TPCN1: variants seen among roughly 807,000 people sequenced by gnomAD.
The protein encoded by TPCN1 is two pore channel protein 1.
TPCN1 carries 52 observed loss-of-function variants against 108.8 expected under a neutral mutation model. The ratio of observed to expected loss-of-function variants is 0.48; its 90% confidence interval spans 0.38 to 0.60. The LOEUF is 0.60. Among genes scored for constraint, TPCN1 ranks in the 20% least tolerant of loss-of-function variants. The pLI, the probability that TPCN1 is intolerant of heterozygous loss-of-function variation, is 0.00. For missense variants in TPCN1, 806 were observed against 1,072.8 expected (o/e 0.75, Z 3.47); for synonymous variants, 446 against 433.7 (o/e 1.03, Z -0.35).
chr12:113,261,045 T>C (rs915639275), intron 3 of TPCN1, among the ~76,000 whole-genome samples: 24 of 152,096 alleles, frequency 1.6e-4, no homozygotes, highest in Admixed American at 1.6e-3. Flanking sequence ...ATACAAAAAA[T>C]TAGCTGGGCG....
intron 2 of TPCN1, among the ~76,000 whole-genome samples, chr12:113,229,755 G>A (rs890885147): frequency 6.6e-6 from 1 of 152,118 alleles, no homozygotes; most frequent in Admixed American, 6.6e-5. Flanking sequence ...GCCTCCCAAA[G>A]TGCTAGGATT....
intron 19 of TPCN1, among the ~76,000 whole-genome samples, chr12:113,287,926 T>C (rs940272797): frequency 2.0e-5 from 3 of 152,074 alleles, no homozygotes; most frequent in African/African-American, 7.2e-5. Context: ...CTGCTCCTCT[T>C]CGTGGAAGGA....
rs1955368229 is a variant in TPCN1, at chr12:113,268,538, C to T, written c.529-204C>T. On this transcript the variant is annotated intron_variant, in intron 5 of 27. Coordinates refer to ENST00000335509, the MANE Select transcript of TPCN1 (RefSeq NM_017901.6). This position sits in a 1 kb window ranked among gnomAD's most constrained non-coding sequence, Gnocchi z 7.3. The stretch of plus-strand genomic sequence containing the variant: ...GCAGTCACACAGCCCTTCCATTCTT[C>T]TGGTGCCACACACCTGTGCCAGCAC... Among the ~76,000 whole-genome samples the T allele has an allele frequency of 6.6e-6, 1 of 152,222 alleles. No homozygotes were observed. The highest frequency in any genetic ancestry group is 2.4e-5 in the African/African-American group (1 of 41,460).
intron 1 of TPCN1, among the ~76,000 whole-genome samples, chr12:113,223,878 GC>G (rs1236313314): frequency 6.6e-6 from 1 of 152,032 alleles, no homozygotes; most frequent in Non-Finnish European, 1.5e-5. Flanking sequence ...TTAAGGATGA[GC>G]ACTTTTACTG....
chr12:113,288,302 G>T lies in TPCN1; in HGVS notation c.1706+68G>T. On this transcript the variant is annotated intron_variant, in intron 20 of 27. Transcript: ENST00000335509. This position sits in a 1 kb window ranked among gnomAD's most constrained non-coding sequence, Gnocchi z 4.8. ...GTGGCAGTGCCCCGTGGGGGCGGGA[G>T]CCGAGTGGCAGTCGGGGGAAAGGAG... is the stretch of plus-strand genomic sequence containing the variant. The T allele has an allele frequency of 6.2e-7, 1 of 1,606,180 alleles. No homozygotes were observed. The highest frequency in any genetic ancestry group is 8.5e-7 in the Non-Finnish European group (1 of 1,177,218).
chr12:113,293,739 C>T (rs955619901), intron 27 of TPCN1, among the ~76,000 whole-genome samples: 1 of 152,200 alleles, frequency 6.6e-6, no homozygotes, highest in Non-Finnish European at 1.5e-5. Flanking sequence ...GAGACAGTCT[C>T]CTCCCAGCTC....
At chr12:113,248,198 C>T (rs1411339011) in intron 2 of TPCN1, among the ~76,000 whole-genome samples, 2 of 152,262 alleles carry the variant, frequency 1.3e-5, no homozygotes, top group East Asian at 3.8e-4. Flanking sequence ...ACGGATGGCT[C>T]CTTGTTCTCC....
chr12:113,252,316 G>C (rs1450588333), intron 2 of TPCN1, among the ~76,000 whole-genome samples: 1 of 152,174 alleles, frequency 6.6e-6, no homozygotes, highest in Admixed American at 6.5e-5. Context: ...CGGGCCACCT[G>C]GTCCCAGGGA....
Position 113,226,873 on chromosome 12 carries a change from C to T in TPCN1, c.21C>T (p.Asp7=), listed in dbSNP as rs752402361. The change falls in exon 2 of 28, where the codon GAC becomes GAT. Residue 7 remains aspartate, a synonymous_variant. Transcript: ENST00000335509. ...AGAACATGGCTGTGAGTTTGGATGA[C>T]GACGTGCCGCTCATCCTGACCTTGG... is the stretch of plus-strand genomic sequence containing the variant. MAVSLD[D]DVPLILTLDE... 16 of 1,614,010 alleles carry T rather than the reference C, an allele frequency of 9.9e-6. No homozygotes were observed. The highest frequency in any genetic ancestry group is 1.6e-4 in the Middle Eastern group (1 of 6,084).
At chr12:113,285,666 A>G (rs1435291909) in intron 17 of TPCN1, among the ~76,000 whole-genome samples, 1 of 152,168 alleles carries the variant, frequency 6.6e-6, no homozygotes, top group Non-Finnish European at 1.5e-5. Flanking sequence ...GTGAACCCCT[A>G]TGCCTGGCCA....
At chr12:113,256,142 A>C (rs542839365) in intron 2 of TPCN1, among the ~76,000 whole-genome samples, 51 of 152,228 alleles carry the variant, frequency 3.4e-4, no homozygotes, top group African/African-American at 1.2e-3. Flanking sequence ...ACTTAAAAAA[A>C]ATTTTTTTTT....
intron 2 of TPCN1, among the ~76,000 whole-genome samples, chr12:113,237,263 C>T (rs776486162): frequency 1.3e-5 from 2 of 152,116 alleles, no homozygotes; most frequent in East Asian, 1.9e-4. Context: ...TAGTAGGAGC[C>T]GGATTTGGCA....
intron 2 of TPCN1, chr12:113,244,234 G>C (rs1376641244): frequency 2.3e-6 from 2 of 867,744 alleles, no homozygotes; most frequent in Non-Finnish European, 2.8e-6. Flanking sequence ...TTGACCCGTG[G>C]TACTGCCCCG....
intron 2 of TPCN1, among the ~76,000 whole-genome samples, chr12:113,236,646 C>T (rs893008306): frequency 6.6e-5 from 10 of 151,832 alleles, no homozygotes; most frequent in Non-Finnish European, 1.5e-4. Context: ...AGTAGGAACT[C>T]TTCTGAGACC....
intron 3 of TPCN1, among the ~76,000 whole-genome samples, chr12:113,265,661 C>G (rs1955231353): frequency 6.6e-6 from 1 of 152,020 alleles, no homozygotes; most frequent in Non-Finnish European, 1.5e-5. Flanking sequence ...ATTCTCCAAC[C>G]TCAGCCTCCC....
At chr12:113,256,768 A>C (rs886715404) in intron 2 of TPCN1, among the ~76,000 whole-genome samples, 6 of 152,298 alleles carry the variant, frequency 3.9e-5, no homozygotes, top group African/African-American at 7.2e-5. Context: ...TCTTGGGCTC[A>C]AGTGATCCTC....
chr12:113,224,806 C>T (rs1184196209), intron 1 of TPCN1, among the ~76,000 whole-genome samples: 1 of 151,914 alleles, frequency 6.6e-6, no homozygotes, highest in Non-Finnish European at 1.5e-5. Context: ...GGCTGCAGTG[C>T]AGTGCACCAT....
chr12:113,271,865 C>T (rs1346250285), intron 7 of TPCN1, among the ~76,000 whole-genome samples: 1 of 152,198 alleles, frequency 6.6e-6, no homozygotes, highest in Non-Finnish European at 1.5e-5. Context: ...GTGGGGCTGA[C>T]TGTGACAGCC....
intron 24 of TPCN1, 70 bp from the exon 25 acceptor site, chr12:113,291,804 G>T: frequency 2.6e-6 from 4 of 1,567,226 alleles, no homozygotes; most frequent in Non-Finnish European, 3.5e-6. Flanking sequence ...TTGGGCGTGG[G>T]CTGCGCAGCC....
Sources: allele counts gnomAD v4.1 joint callset (sites outside exome capture counted in the v4.1 genomes callset), GRCh38; gene constraint gnomAD v4.1.1; non-coding constraint Gnocchi (gnomAD v3.1); transcripts MANE v1.5; gene names NCBI Gene and HGNC (gene_info 2026-07-23, HGNC 2026-07-21).